The following ANOS1 variants were observed in gnomAD, a reference collection of about 807,000 sequenced individuals.
ANOS1 encodes the protein anosmin-1.
In ANOS1, 6 loss-of-function variants were observed where a neutral mutation model predicts 59.0. The ratio of observed to expected loss-of-function variants is 0.10; its 90% CI spans 0.06 to 0.20. The LOEUF (loss-of-function observed/expected upper bound fraction) is 0.20. Ranked by LOEUF, ANOS1 falls within the 10% of genes least tolerant of loss-of-function variation. The pLI is 1.00. For synonymous variants in ANOS1, 217 were observed against 223.4 expected (o/e 0.97, Z 0.25); for missense variants, 433 against 542.3 (o/e 0.80, Z 2.00).
intron 2 of ANOS1, among the ~76,000 whole-genome samples, chrX:8,686,426 A>G (rs1209093653): frequency 1.8e-5 from 2 of 112,172 alleles, no homozygotes; most frequent in African/African-American, 6.5e-5. Flanking sequence ...GATAAAGGGA[A>G]ATTAAAATGG....
intron 3 of ANOS1, among the ~76,000 whole-genome samples, chrX:8,619,762 T>C (rs1012750351): frequency 8.0e-5 from 9 of 112,278 alleles, no homozygotes; most frequent in Non-Finnish European, 1.5e-4. Context: ...AGGTATGTTG[T>C]TATTAACATG....
At chrX:8,594,699 C>CT (rs1930695177) in intron 4 of ANOS1, among the ~76,000 whole-genome samples, 1 of 26,649 alleles carries the variant, frequency 3.8e-5, no homozygotes, top group Non-Finnish European at 7.2e-5. Flanking sequence ...TATATATATA[C>CT]ACATATATAT....
chrX:8,664,717 T>C (rs911877568), intron 2 of ANOS1, among the ~76,000 whole-genome samples: 4 of 111,534 alleles, frequency 3.6e-5, no homozygotes, highest in Non-Finnish European at 5.6e-5. Context: ...GAGAGCCTGC[T>C]GACACAAGGG....
chrX:8,620,294 G>C (rs1931266901), intron 3 of ANOS1, among the ~76,000 whole-genome samples: 1 of 112,053 alleles, frequency 8.9e-6, no homozygotes, highest in Admixed American at 9.5e-5. Flanking sequence ...ACAAGAGGCA[G>C]ACCAGTTTGC....
chrX:8,545,262 A>G (rs1929752333), intron 9 of ANOS1, among the ~76,000 whole-genome samples: 1 of 101,788 alleles, frequency 9.8e-6, no homozygotes, highest in African/African-American at 3.6e-5. Context: ...CTATGACAAA[A>G]AAAAAAAAAG....
chrX:8,593,674 C>T (rs140703828), intron 4 of ANOS1, among the ~76,000 whole-genome samples: 1,915 of 111,372 alleles, frequency 0.017, 43 homozygotes, highest in African/African-American at 0.059. Context: ...AGGTGGATAA[C>T]AGATTTAGAT....
At chrX:8,727,066 G>A (rs1235028209) in intron 1 of ANOS1, among the ~76,000 whole-genome samples, 1 of 112,371 alleles carries the variant, frequency 8.9e-6, no homozygotes, top group Non-Finnish European at 1.9e-5. Context: ...GAACAGTGCA[G>A]TCCACTATAT....
At chrX:8,637,779 C>T (rs754049603) in intron 2 of ANOS1, among the ~76,000 whole-genome samples, 1 of 112,644 alleles carries the variant, frequency 8.9e-6, no homozygotes, top group East Asian at 2.8e-4. Context: ...GTAGAAGCTG[C>T]ATTTCCCAGA....
intron 2 of ANOS1, among the ~76,000 whole-genome samples, chrX:8,697,507 G>A (rs1404267828): frequency 9.0e-6 from 1 of 111,602 alleles, no homozygotes; most frequent in African/African-American, 3.3e-5. Flanking sequence ...ATCCCAGACA[G>A]AGAGAATGGC....
At chrX:8,688,132 T>G (rs1269147786) in intron 2 of ANOS1, among the ~76,000 whole-genome samples, 1 of 112,020 alleles carries the variant, frequency 8.9e-6, no homozygotes, top group Non-Finnish European at 1.9e-5. Flanking sequence ...AGTGAGAGTT[T>G]TCTACCCCAG....
chrX:8,635,573 C>A (rs1052426548), intron 2 of ANOS1, among the ~76,000 whole-genome samples: 1 of 111,510 alleles, frequency 9.0e-6, no homozygotes, highest in Non-Finnish European at 1.9e-5. Flanking sequence ...TTTACTGGCG[C>A]ACAGACAGCT....
At chrX:8,669,263 C>A (rs769560947) in intron 2 of ANOS1, among the ~76,000 whole-genome samples, 1 of 111,693 alleles carries the variant, frequency 9.0e-6, no homozygotes, top group African/African-American at 3.3e-5. Flanking sequence ...CAGGGTATTT[C>A]TAGGACTAGG....
intron 1 of ANOS1, among the ~76,000 whole-genome samples, chrX:8,700,310 G>A (rs1471822041): frequency 1.8e-5 from 2 of 111,212 alleles, no homozygotes; most frequent in African/African-American, 3.3e-5. Context: ...AATCATGGCG[G>A]AAGGCAAAGG....
intron 1 of ANOS1, among the ~76,000 whole-genome samples, chrX:8,718,462 G>GTCCCTTCTT (rs1241751660): frequency 1.8e-5 from 2 of 112,417 alleles, no homozygotes; most frequent in African/African-American, 6.5e-5. Context: ...TGACGTCTTT[G>GTCCCTTCTT]TCCCTTCTTG....
At chrX:8,667,031 C>A (rs1175590545) in intron 2 of ANOS1, among the ~76,000 whole-genome samples, 1 of 111,509 alleles carries the variant, frequency 9.0e-6, no homozygotes, top group Non-Finnish European at 1.9e-5. Flanking sequence ...TTTAGGCCAG[C>A]CATTACCCAT....
At chrX:8,604,270 T>C (rs965215989) in intron 3 of ANOS1, among the ~76,000 whole-genome samples, 1 of 111,425 alleles carries the variant, frequency 9.0e-6, no homozygotes, top group Non-Finnish European at 1.9e-5. Flanking sequence ...CTTCTAAAAC[T>C]GATGTCTTGG....
At chrX:8,728,120 C>T (rs1932935895) in intron 1 of ANOS1, among the ~76,000 whole-genome samples, 1 of 111,803 alleles carries the variant, frequency 8.9e-6, no homozygotes, top group African/African-American at 3.3e-5. Flanking sequence ...GTAAATTATC[C>T]AGCTAACCAA....
At chrX:8,613,150 GT>G (rs1931093339) in intron 3 of ANOS1, among the ~76,000 whole-genome samples, 1 of 110,722 alleles carries the variant, frequency 9.0e-6, no homozygotes, top group Non-Finnish European at 1.9e-5. Context: ...ATAAAATAGT[GT>G]TTTTTGTTTT....
intron 2 of ANOS1, among the ~76,000 whole-genome samples, chrX:8,648,487 A>G (rs1256828641): frequency 5.5e-5 from 6 of 109,059 alleles, no homozygotes; most frequent in African/African-American, 2.0e-4. Context: ...GAACAATTAC[A>G]TGGAAATTAT....
Sources: allele counts gnomAD v4.1 joint callset (sites outside exome capture counted in the v4.1 genomes callset), GRCh38; gene constraint gnomAD v4.1.1; transcripts MANE v1.5; gene names NCBI Gene and HGNC (gene_info 2026-07-23, HGNC 2026-07-21).